CTNNA2: variants seen among roughly 807,000 people sequenced by gnomAD.
CTNNA2 encodes the protein catenin alpha-2.
CTNNA2 carries 42 observed loss-of-function variants against 101.0 expected under a neutral mutation model. The observed-to-expected ratio is 0.42, with a 90% confidence interval of 0.32 to 0.54. The LOEUF is 0.54. CTNNA2 is among the 20% of genes least tolerant of loss of function. CTNNA2 has a pLI of 0.14. For missense variants in CTNNA2, 871 were observed against 1,223.1 expected (o/e 0.71, Z 4.29); for synonymous variants, 450 against 456.4 (o/e 0.99, Z 0.18).
intron 7 of CTNNA2, among the ~76,000 whole-genome samples, chr2:79,947,385 G>C (rs534478174): frequency 6.6e-6 from 1 of 152,168 alleles, no homozygotes; most frequent in Non-Finnish European, 1.5e-5. Context: ...TCTTGAAATT[G>C]AGGGTTGGAA....
At chr2:80,473,569 G>T (rs1257531367) in intron 9 of CTNNA2, among the ~76,000 whole-genome samples, 2 of 152,142 alleles carry the variant, frequency 1.3e-5, no homozygotes, top group Non-Finnish European at 1.5e-5. Flanking sequence ...ATTTTGAAGA[G>T]GTTATAAATG....
intron 1 of CTNNA2, among the ~76,000 whole-genome samples, chr2:79,602,551 G>C (rs901183513): frequency 6.6e-6 from 1 of 152,078 alleles, no homozygotes; most frequent in African/African-American, 2.4e-5. Flanking sequence ...ATAAGAATTA[G>C]AAGCAAAAAG....
intron 4 of CTNNA2, among the ~76,000 whole-genome samples, chr2:79,868,509 G>T (rs1402149178): frequency 1.3e-5 from 2 of 152,254 alleles, no homozygotes; most frequent in East Asian, 3.8e-4. Context: ...ATAAGGAAGT[G>T]AAATTAGCCA....
At position 80,525,044 on chromosome 2, in the gene CTNNA2, T is replaced by C. The variant is rs576655614; in HGVS notation, c.1291-19938T>C. Among the ~76,000 whole-genome samples, 4 of 152,114 alleles carry C rather than the reference T, an allele frequency of 2.6e-5. No homozygotes were observed. The East Asian group carries it at 7.7e-4, about 29-fold the overall frequency. On this transcript the variant is annotated intron_variant, in intron 9 of 18. Transcript: ENST00000402739. ...TTTTGGTGCACCCATCACTGAGCAGTATACACTTTTTTTTTTGTATGACTT... is the reference window on the plus strand; with the variant it reads ...TTTTGGTGCACCCATCACTGAGCAGCATACACTTTTTTTTTTGTATGACTT...
At chr2:80,086,703 A>G (rs1291049230) in intron 7 of CTNNA2, among the ~76,000 whole-genome samples, 7 of 152,034 alleles carry the variant, frequency 4.6e-5, no homozygotes, top group African/African-American at 1.7e-4. Flanking sequence ...CAAAGGCTTG[A>G]AATGTGTAGA....
rs1381384766 is a variant in CTNNA2, at chr2:79,521,162, AT to A, written c.-6+7956del. On this transcript the variant is annotated intron_variant, in intron 1 of 18. Coordinates refer to ENST00000402739, the MANE Select transcript of CTNNA2 (RefSeq NM_001282597.3). Reference sequence around the variant, plus strand: ...TATATATATATATATATATATATATATATATAAATTTTAAGGTGCGCTATTT... The same window carrying A: ...TATATATATATATATATATATATATAATATAAATTTTAAGGTGCGCTATTT... Among the ~76,000 whole-genome samples the A allele has an allele frequency of 4.2e-4, 37 of 88,582 alleles. 1 individual carries two copies. The highest frequency in any genetic ancestry group is 1.7e-3 in the African/African-American group (36 of 21,074). The allele number at this position is 88,582 out of a possible 152,430, so 58.1% of individuals were successfully genotyped here.
chr2:80,370,049 T>A (rs1675301213), intron 7 of CTNNA2, among the ~76,000 whole-genome samples: 1 of 152,138 alleles, frequency 6.6e-6, no homozygotes. Flanking sequence ...GATGCTAAAA[T>A]ATAGGGAAAC....
chr2:79,978,406 G>T (rs1691020561), intron 7 of CTNNA2, among the ~76,000 whole-genome samples: 2 of 152,166 alleles, frequency 1.3e-5, no homozygotes, highest in Admixed American at 1.3e-4. Flanking sequence ...TTAGAAGTTT[G>T]CATCTAACCT....
chr2:79,497,667 C>T (rs930842830), intron 4 of CTNNA2, among the ~76,000 whole-genome samples: 7 of 152,180 alleles, frequency 4.6e-5, no homozygotes. Flanking sequence ...GAACACCCCA[C>T]ACTAAATCAT....
chr2:80,525,373 A>G (rs903591215), intron 9 of CTNNA2, among the ~76,000 whole-genome samples: 2 of 151,560 alleles, frequency 1.3e-5, no homozygotes, highest in Admixed American at 1.3e-4. Context: ...TTCAATCTGA[A>G]TGATCTGGAT....
intron 3 of CTNNA2, among the ~76,000 whole-genome samples, chr2:79,851,629 G>A (rs1295143132): frequency 6.6e-6 from 1 of 152,040 alleles, no homozygotes; most frequent in Non-Finnish European, 1.5e-5. Flanking sequence ...AGGTTGTTAG[G>A]CAGGTGTCGG....
intron 1 of CTNNA2, among the ~76,000 whole-genome samples, chr2:79,637,532 A>G (rs1215865455): frequency 2.0e-5 from 3 of 152,166 alleles, no homozygotes; most frequent in African/African-American, 7.2e-5. Flanking sequence ...GACCTTCCAT[A>G]TTGGATTAGA....
intron 4 of CTNNA2, among the ~76,000 whole-genome samples, chr2:79,859,169 A>G (rs1169892780): frequency 1.3e-5 from 2 of 151,860 alleles, no homozygotes; most frequent in Admixed American, 1.3e-4. Context: ...GAACCAACCA[A>G]TTGCTCGCTT....
intron 3 of CTNNA2, among the ~76,000 whole-genome samples, chr2:79,762,884 C>T (rs1212322118): frequency 6.6e-6 from 1 of 152,014 alleles, no homozygotes; most frequent in African/African-American, 2.4e-5. Flanking sequence ...TTTATGGTGG[C>T]GATTTTGATT....
rs532599467 is a variant in CTNNA2, at chr2:79,645,547, CT to C, written c.-5-6004del. Among the ~76,000 whole-genome samples the C allele has an allele frequency of 5.3e-5, 8 of 152,208 alleles. No homozygotes were observed. The South Asian group carries it at 1.7e-3, about 32-fold the overall frequency. On this transcript the variant is annotated intron_variant, in intron 1 of 18. Transcript: ENST00000402739. The stretch of plus-strand genomic sequence containing the variant: ...GTTTTCAGACTTGATTCTTGAAATG[CT>C]GAAGAAATTTAGAAAATTCACCTTA...
intron 3 of CTNNA2, among the ~76,000 whole-genome samples, chr2:79,808,261 A>T (rs1676732038): frequency 6.6e-6 from 1 of 152,170 alleles, no homozygotes; most frequent in Non-Finnish European, 1.5e-5. Context: ...CATGTATGAA[A>T]GAGGAGAAGG....
At chr2:79,492,789 A>G (rs1375145445) in intron 4 of CTNNA2, among the ~76,000 whole-genome samples, 1 of 152,204 alleles carries the variant, frequency 6.6e-6, no homozygotes, top group Non-Finnish European at 1.5e-5. Context: ...ACTATAGACC[A>G]ACATAGATGC....
At chr2:80,333,852 G>A (rs1473594120) in intron 7 of CTNNA2, among the ~76,000 whole-genome samples, 1 of 152,150 alleles carries the variant, frequency 6.6e-6, no homozygotes, top group East Asian at 1.9e-4. Context: ...CAAACTCCTG[G>A]CCTCAAGTGA....
intron 1 of CTNNA2, among the ~76,000 whole-genome samples, chr2:79,623,318 A>G (rs1679107322): frequency 6.6e-6 from 1 of 152,190 alleles, no homozygotes; most frequent in African/African-American, 2.4e-5. Context: ...GAGGTTTGCC[A>G]GAGTTATTCA....
Sources: gnomAD v4.1 joint callset for allele counts (sites outside exome capture counted in the v4.1 genomes callset) on GRCh38, gnomAD v4.1.1 for gene constraint, MANE v1.5 for transcripts, NCBI Gene and HGNC (gene_info 2026-07-23, HGNC 2026-07-21) for gene names.